Variants in SLC5A7 observed in about 807,000 individuals in gnomAD.
SLC5A7 encodes solute carrier family 5 member 7.
In SLC5A7, 19 loss-of-function variants were observed where a neutral mutation model predicts 55.4. The ratio of observed to expected loss-of-function variants is 0.34; its 90% CI spans 0.24 to 0.50. SLC5A7 has a LOEUF of 0.50. Among genes scored for constraint, SLC5A7 ranks in the 20% least tolerant of loss-of-function variants. The pLI is 0.98. For synonymous variants in SLC5A7, 265 were observed against 263.7 expected, an observed-to-expected ratio of 1.00 and a Z score of -0.05; for missense variants, 506 against 705.3, an observed-to-expected ratio of 0.72 and a Z score of 3.20.
chr2:107,997,735 A>T, intron 4 of SLC5A7, 103 bp from the exon 5 acceptor site: 1 of 1,193,512 alleles, frequency 8.4e-7, no homozygotes, highest in East Asian at 2.8e-5. Flanking sequence ...TTCATATGAC[A>T]GAGAGAAAAA....
At chr2:108,010,104 C>T in intron 8 of SLC5A7, 128 bp from the exon 9 acceptor site, 3 of 1,182,042 alleles carry the variant, frequency 2.5e-6, no homozygotes, top group Non-Finnish European at 3.5e-6. Context: ...TGGTTTTTCC[C>T]ATAGATTGAG....
At chr2:107,995,577 T>C (rs1254467549) in intron 4 of SLC5A7, among the ~76,000 whole-genome samples, 1 of 151,990 alleles carries the variant, frequency 6.6e-6, no homozygotes, top group Non-Finnish European at 1.5e-5. Flanking sequence ...CACTATGCAG[T>C]ATACCCAGGT....
intron 3 of SLC5A7, 95 bp downstream of exon 3, chr2:107,992,314 T>A: frequency 1.5e-6 from 1 of 655,486 alleles, no homozygotes; most frequent in East Asian, 3.1e-5. Context: ...ACACTCTGAA[T>A]AACCATTGTA....
Position 108,008,673 on chromosome 2 carries a change from C to T in SLC5A7, c.1104C>T (p.Phe368=). Residue 368 remains phenylalanine, a synonymous_variant, in exon 8 of 9, where the codon TTC becomes TTT. Transcript: ENST00000264047. ...MFARNIYQLS[F]RQNASDKEIV... is the part of the protein sequence containing the mutation. Reference sequence around the variant, plus strand: ...CACGGAACATCTACCAGCTTTCCTTCAGACAAAATGTAAGAACAGTTTCTT... The same window carrying T: ...CACGGAACATCTACCAGCTTTCCTTTAGACAAAATGTAAGAACAGTTTCTT... The T allele has an allele frequency of 6.2e-7, 1 of 1,612,480 alleles. No homozygotes were observed.
In SLC5A7 at chr2:108,010,748, C is replaced by T. The variant is rs780371731; in HGVS notation, c.1630C>T (p.Leu544Phe). Residue 544 changes from leucine (L) to phenylalanine (F), a missense_variant, in exon 9 of 9, where the codon CTT becomes TTT. Transcript: ENST00000264047. ...NENIKLDELA[L>F]VKPRQSMTLS... ...AAATATTAAATTAGATGAACTTGCA[C>T]TTGTGAAGCCACGACAGAGCATGAC... is the stretch of plus-strand genomic sequence containing the variant. 9.3e-6 allele frequency: 15 copies of T among 1,613,714 alleles called. No individual in the cohort carries two copies. The highest frequency in any genetic ancestry group is 1.1e-5 in the Non-Finnish European group (13 of 1,179,860).
chr2:107,989,980 C>CT (rs1019238904), intron 2 of SLC5A7, among the ~76,000 whole-genome samples: 1 of 151,836 alleles, frequency 6.6e-6, no homozygotes, highest in Non-Finnish European at 1.5e-5. Flanking sequence ...GTTCGTAAAA[C>CT]TTTTTTTTCT....
intron 5 of SLC5A7, among the ~76,000 whole-genome samples, chr2:108,001,047 C>G (rs1299401621): frequency 6.6e-6 from 1 of 151,040 alleles, no homozygotes; most frequent in African/African-American, 2.4e-5. Flanking sequence ...CCTGCCTCAG[C>G]CTCCCAAGCA....
Position 107,988,258 on chromosome 2 carries a change from G to A in SLC5A7, c.103G>A (p.Ala35Thr), listed in dbSNP as rs1225811300. 21 of 1,614,146 alleles carry A rather than the reference G, an allele frequency of 1.3e-5. No homozygotes were observed. Among genetic ancestry groups the A allele is most frequent in the Admixed American group, 3.3e-5 (2 of 60,034 alleles). Residue 35 changes from alanine (A) to threonine (T), a missense_variant, in exon 2 of 9, where the codon GCA (alanine) becomes ACA (threonine). By Grantham distance (58) the Ala-to-Thr change is moderately conservative. Around this residue, in one of 4 missense-constraint regions of SLC5A7, gnomAD observed 56 missense variants for 62.6 expected, o/e 0.89. Transcript: ENST00000264047. ...AAWRTKNSGS[A>T]EERSEAIIVG... ...CTGGAGAACCAAAAACAGTGGCAGC[G>A]CAGAAGAGCGCAGCGAAGCCATCAT...
At chr2:108,004,227 A>G (rs1420336836) in intron 6 of SLC5A7, among the ~76,000 whole-genome samples, 1 of 152,226 alleles carries the variant, frequency 6.6e-6, no homozygotes, top group East Asian at 1.9e-4. Flanking sequence ...GGTGATGAAT[A>G]TGTAATTTAT....
intron 7 of SLC5A7, among the ~76,000 whole-genome samples, chr2:108,008,056 CCTACTATTGT>C (rs1468098545): frequency 6.6e-6 from 1 of 152,082 alleles, no homozygotes; most frequent in African/African-American, 2.4e-5. Context: ...TGAGAATAGC[CCTACTATTGT>C]CTTTCTTCAT....
intron 4 of SLC5A7, among the ~76,000 whole-genome samples, chr2:107,994,017 T>G (rs1401702115): frequency 6.6e-6 from 1 of 152,196 alleles, no homozygotes; most frequent in East Asian, 1.9e-4. Flanking sequence ...ATGAGAAAGC[T>G]TGCCCATGCC....
chr2:108,007,173 C>G (rs746105018), intron 7 of SLC5A7, among the ~76,000 whole-genome samples: 2 of 151,986 alleles, frequency 1.3e-5, no homozygotes, highest in Non-Finnish European at 2.9e-5. Context: ...GCATCTTCTA[C>G]GTAGAGGTAA....
chr2:107,992,282 A>G (rs1452251471), intron 3 of SLC5A7, 63 bp downstream of exon 3: 2 of 942,292 alleles, frequency 2.1e-6, no homozygotes, highest in African/African-American at 3.2e-5. Context: ...GAGTATAAAT[A>G]ACAAGTGGAA....
chr2:107,992,658 T>C (rs1261044204), intron 3 of SLC5A7, among the ~76,000 whole-genome samples: 1 of 152,212 alleles, frequency 6.6e-6, no homozygotes, highest in African/African-American at 2.4e-5. Flanking sequence ...ATTCAAAACC[T>C]CTAAATGCTA....
intron 6 of SLC5A7, among the ~76,000 whole-genome samples, chr2:108,003,348 A>T (rs1441354151): frequency 2.0e-5 from 3 of 152,242 alleles, no homozygotes; most frequent in Non-Finnish European, 4.4e-5. Context: ...CCTACAGCAC[A>T]CTTTAGTCTT....
In SLC5A7 at chr2:108,012,681, T is replaced by G. The variant is rs1395675585; in HGVS notation, c.*1820T>G. ...ATGAAAAGAGAATTACTTATATTCATCTATTTTCTCAGAATCTATTCAGTA... is the reference window on the plus strand; with the variant it reads ...ATGAAAAGAGAATTACTTATATTCAGCTATTTTCTCAGAATCTATTCAGTA... On this transcript the variant is annotated 3_prime_UTR_variant, in exon 9 of 9. Coordinates refer to ENST00000264047, the MANE Select transcript of SLC5A7 (RefSeq NM_021815.5). 6.6e-6 allele frequency: 1 copy of G among 152,158 alleles called. No homozygotes were observed. Among genetic ancestry groups the G allele is most frequent in the Non-Finnish European group, 1.5e-5 (1 of 68,026 alleles). The allele number at this position is 152,158 out of a possible 1,614,324, so 9.4% of individuals were successfully genotyped here.
In SLC5A7 at chr2:107,992,977, C is replaced by T. The variant is rs1385901418; in HGVS notation, c.298C>T (p.Leu100=). ...GYSLSLILGG[L]FFAKPMRSKG... ...AACAGTTGCTTAATTTTTAGGTGGC[C>T]TGTTCTTTGCAAAACCTATGCGTTC... The change falls in exon 4 of 9, where the codon CTG becomes TTG. Residue 100 remains leucine (L), a synonymous_variant. Transcript: ENST00000264047. The T allele has an allele frequency of 8.1e-6, 13 of 1,613,794 alleles. No homozygotes were observed. The highest frequency in any genetic ancestry group is 1.1e-5 in the South Asian group (1 of 91,058).
Position 108,012,844 on chromosome 2 carries a change from A to C in SLC5A7, c.*1983A>C, listed in dbSNP as rs1256476953. ...AACCACAGATACTGAAACATTTGAC[A>C]CATAAAAGTAATTAATTGCTGGAGA... On this transcript the variant is annotated 3_prime_UTR_variant, in exon 9 of 9. Transcript: ENST00000264047. The C allele has an allele frequency of 6.6e-6, 1 of 152,094 alleles. No individual in the cohort carries two copies. Among genetic ancestry groups the C allele is most frequent in the Non-Finnish European group, 1.5e-5 (1 of 67,994 alleles). The allele number at this position is 152,094 out of a possible 1,614,324, so 9.4% of individuals were successfully genotyped here. A position where few individuals can be genotyped will look rare whatever the true frequency, so the allele number is the denominator to read the frequency against.
At chr2:107,992,643 T>C (rs10195701) in intron 3 of SLC5A7, among the ~76,000 whole-genome samples, 29,073 of 152,162 alleles carry the variant, frequency 0.19, 3,042 homozygotes, top group South Asian at 0.35. Flanking sequence ...ATTGAATCTG[T>C]GCTTATTCAA....
Sources: allele counts gnomAD v4.1 joint callset (sites outside exome capture counted in the v4.1 genomes callset), GRCh38; gene constraint gnomAD v4.1.1; regional missense constraint gnomAD v4.1.1; transcripts MANE v1.5; gene names NCBI Gene and HGNC (gene_info 2026-07-23, HGNC 2026-07-21).